Variants in CCDC85A observed in about 807,000 individuals in gnomAD.
The protein encoded by CCDC85A is coiled-coil domain containing 85A, also known as coiled-coil domain-containing protein 85A.
A neutral mutation model predicts 50.2 loss-of-function variants in CCDC85A; 38 were observed. The observed-to-expected ratio is 0.76, with a 90% confidence interval of 0.58 to 0.99. The LOEUF (loss-of-function observed/expected upper bound fraction) is 0.99, where lower values mean the gene tolerates loss of function less well. Among genes scored for constraint, CCDC85A ranks in the 50% least tolerant of loss-of-function variants. CCDC85A has a pLI of 0.00. For missense variants in CCDC85A, 820 were observed against 742.0 expected, an observed-to-expected ratio of 1.11 and a Z score of -1.22; for synonymous variants, 366 against 301.4, an observed-to-expected ratio of 1.21 and a Z score of -2.22.
At chr2:56,246,326 G>A (rs1319562655) in intron 2 of CCDC85A, among the ~76,000 whole-genome samples, 1 of 152,010 alleles carries the variant, frequency 6.6e-6, no homozygotes, top group Non-Finnish European at 1.5e-5. Context: ...ATCATTCTGT[G>A]GATTGTCTTA....
chr2:56,303,742 T>G (rs904251798), intron 2 of CCDC85A, among the ~76,000 whole-genome samples: 7 of 152,154 alleles, frequency 4.6e-5, no homozygotes, highest in Non-Finnish European at 7.3e-5. Flanking sequence ...TACCATATCC[T>G]TAAAGGTTTT....
At chr2:56,335,310 T>C (rs920439179) in intron 2 of CCDC85A, among the ~76,000 whole-genome samples, 1 of 152,186 alleles carries the variant, frequency 6.6e-6, no homozygotes, top group Admixed American at 6.6e-5. Context: ...GTGGGATTCA[T>C]ATGGAATGAG....
chr2:56,234,729 C>T (rs1029510998), intron 2 of CCDC85A, among the ~76,000 whole-genome samples: 1 of 151,968 alleles, frequency 6.6e-6, no homozygotes, highest in African/African-American at 2.4e-5. Context: ...TATTCAGAAT[C>T]GATTTAGTTG....
chr2:56,245,998 C>T lies in CCDC85A; in HGVS notation c.1240+52558C>T, dbSNP rs531600177. ...ACGTACTAAGACAAGTTATTTGGCT[C>T]GCTGCAACCTCCACCTCCTGGGTTC... is the stretch of plus-strand genomic sequence containing the variant. On this transcript the variant is annotated intron_variant, in intron 2 of 5. Coordinates refer to ENST00000407595, the MANE Select transcript of CCDC85A (RefSeq NM_001080433.2). Among the ~76,000 whole-genome samples the T allele has an allele frequency of 2.6e-4, 39 of 152,320 alleles. 1 individual carries two copies. The South Asian group carries it at 6.2e-3, about 24-fold the overall frequency.
intron 2 of CCDC85A, among the ~76,000 whole-genome samples, chr2:56,277,621 A>T (rs1157045770): frequency 6.6e-6 from 1 of 152,252 alleles, no homozygotes; most frequent in African/African-American, 2.4e-5. Context: ...AACCCTCGAT[A>T]GACTTCATAT....
At chr2:56,193,687 A>C (rs7583026) in intron 2 of CCDC85A, among the ~76,000 whole-genome samples, 1 of 152,270 alleles carries the variant, frequency 6.6e-6, no homozygotes, top group South Asian at 2.1e-4. Flanking sequence ...GGAGAGGAAC[A>C]GTAATTCCTT....
chr2:56,289,785 A>G (rs1671620329), intron 2 of CCDC85A, among the ~76,000 whole-genome samples: 1 of 152,176 alleles, frequency 6.6e-6, no homozygotes, highest in Non-Finnish European at 1.5e-5. Context: ...GCTTAATTTA[A>G]TGGTTTTATT....
Position 56,193,169 on chromosome 2 carries a change from G to A in CCDC85A, c.969G>A (p.Gly323=), listed in dbSNP as rs1292056922. ...SPEHFQKHRS[G]SSPEHARHSG... ...AACACTTCCAGAAGCACCGGTCAGG[G>A]AGCAGCCCTGAACACGCCAGGCACA... The change falls in exon 2 of 6, where the codon GGG becomes GGA. Residue 323 remains glycine, a synonymous_variant. Transcript: ENST00000407595. 3.7e-6 allele frequency: 6 copies of A among 1,612,980 alleles called. No homozygotes were observed. In the East Asian group the frequency reaches 8.9e-5, roughly 24 times the overall value.
chr2:56,315,172 GC>G (rs1294354580), intron 2 of CCDC85A, among the ~76,000 whole-genome samples: 2 of 152,044 alleles, frequency 1.3e-5, no homozygotes, highest in Non-Finnish European at 2.9e-5. Context: ...TTGGAATTCT[GC>G]CCATCCCATT....
chr2:56,365,871 T>C (rs1675766262), intron 3 of CCDC85A, among the ~76,000 whole-genome samples: 1 of 152,164 alleles, frequency 6.6e-6, no homozygotes, highest in African/African-American at 2.4e-5. Context: ...TCCTCCTGTC[T>C]AACTGAAATT....
chr2:56,308,917 A>G (rs904462882), intron 2 of CCDC85A, among the ~76,000 whole-genome samples: 2 of 152,160 alleles, frequency 1.3e-5, no homozygotes, highest in Admixed American at 6.6e-5. Context: ...CCTTTTGTCA[A>G]GAGTGAGCTG....
chr2:56,245,892 C>A lies in CCDC85A; in HGVS notation c.1240+52452C>A, dbSNP rs563634827. 7.9e-5 allele frequency among the ~76,000 whole-genome samples: 12 copies of A among 152,288 alleles called. No individual in the cohort carries two copies. In the South Asian group the frequency reaches 2.5e-3, roughly 32 times the overall value. ...TGCCATCTCCTTGATCTTGAACTTC[C>A]CAGTTTCCAGAACTGGGAGAAATAA... On this transcript the variant is annotated intron_variant, in intron 2 of 5. Coordinates refer to ENST00000407595, the MANE Select transcript of CCDC85A (RefSeq NM_001080433.2).
intron 2 of CCDC85A, among the ~76,000 whole-genome samples, chr2:56,327,469 C>T (rs1449211682): frequency 6.6e-6 from 1 of 152,086 alleles, no homozygotes; most frequent in Non-Finnish European, 1.5e-5. Context: ...ATAACTTCTT[C>T]TTTCCTTGTG....
chr2:56,370,424 T>A (rs950129917), intron 3 of CCDC85A, among the ~76,000 whole-genome samples: 26 of 152,232 alleles, frequency 1.7e-4, no homozygotes, highest in Admixed American at 2.6e-4. Context: ...ATATATATGC[T>A]GACATGGGGA....
intron 3 of CCDC85A, among the ~76,000 whole-genome samples, chr2:56,347,014 T>G (rs981258729): frequency 1.3e-5 from 2 of 152,170 alleles, no homozygotes; most frequent in Non-Finnish European, 2.9e-5. Context: ...TGAGATGGAG[T>G]CACTCTGAAT....
In CCDC85A at chr2:56,184,537, T is replaced by G. The variant is rs2103795639; in HGVS notation, c.-88T>G. ...GCTGACTCGCCGGAGCGCACAGGGGTGTGGGCGGAGGCGGCCTCGCCGCGC... is the reference window on the plus strand; with the variant it reads ...GCTGACTCGCCGGAGCGCACAGGGGGGTGGGCGGAGGCGGCCTCGCCGCGC... On this transcript the variant is annotated 5_prime_UTR_variant, in exon 1 of 6. Coordinates refer to ENST00000407595, the MANE Select transcript of CCDC85A (RefSeq NM_001080433.2). The G allele has an allele frequency of 7.7e-7, 1 of 1,300,332 alleles. No individual in the cohort carries two copies. The highest frequency in any genetic ancestry group is 9.8e-7 in the Non-Finnish European group (1 of 1,019,032). 80.5% of individuals were successfully genotyped at this position (1,300,332 alleles called of 1,614,324 possible). A position where few individuals can be genotyped will look rare whatever the true frequency, so the allele number is the denominator to read the frequency against.
chr2:56,265,861 T>C (rs1359877781), intron 2 of CCDC85A, among the ~76,000 whole-genome samples: 1 of 152,204 alleles, frequency 6.6e-6, no homozygotes, highest in Non-Finnish European at 1.5e-5. Flanking sequence ...ATTATAGCAC[T>C]ATTCATAGTA....
In CCDC85A at chr2:56,184,685, G is replaced by T. The variant is rs1276281281; in HGVS notation, c.61G>T (p.Ala21Ser). 2.0e-5 allele frequency: 31 copies of T among 1,520,984 alleles called. No homozygotes were observed. The East Asian group carries it at 7.9e-4, about 39-fold the overall frequency. 94.2% of individuals were successfully genotyped at this position (1,520,984 alleles called of 1,614,324 possible). The change falls in exon 1 of 6, where the codon GCC (alanine) becomes TCC (serine). Residue 21 changes from alanine (A) to serine (S), a missense_variant. Physicochemically the swap from Ala to Ser is moderately conservative, Grantham distance 99. Coordinates refer to ENST00000407595, the MANE Select transcript of CCDC85A (RefSeq NM_001080433.2). The part of the protein sequence containing the change: ...AAAAAESCSP[A>S]PAGSSAAPPA... ...GGCGGCGGCGGAAAGTTGTTCCCCA[G>T]CCCCGGCCGGCTCGTCCGCGGCCCC...
chr2:56,350,605 T>C (rs1674869390), intron 3 of CCDC85A, among the ~76,000 whole-genome samples: 1 of 152,180 alleles, frequency 6.6e-6, no homozygotes, highest in Non-Finnish European at 1.5e-5. Context: ...TCTTGGCCTC[T>C]GGGAAGCTTG....
Sources: gnomAD v4.1 joint callset for allele counts (sites outside exome capture counted in the v4.1 genomes callset) on GRCh38, gnomAD v4.1.1 for gene constraint, MANE v1.5 for transcripts, NCBI Gene and HGNC (gene_info 2026-07-23, HGNC 2026-07-21) for gene names.